RMI1: variants seen among roughly 807,000 people sequenced by gnomAD.
The protein encoded by RMI1 is RecQ mediated genome instability 1.
In RMI1, 36 loss-of-function variants were observed where a neutral mutation model predicts 46.7. The ratio of observed to expected loss-of-function variants is 0.77; its 90% CI spans 0.59 to 1.02. The LOEUF (loss-of-function observed/expected upper bound fraction) is 1.02. Among genes scored for constraint, RMI1 ranks in the 50% least tolerant of loss-of-function variants. The pLI, the probability that RMI1 is intolerant of heterozygous loss-of-function variation, is 0.00. For synonymous variants in RMI1, 250 were observed against 252.9 expected, an observed-to-expected ratio of 0.99 and a Z score of 0.11; for missense variants, 676 against 713.7, an observed-to-expected ratio of 0.95 and a Z score of 0.60.
Position 84,002,601 on chromosome 9 carries a change from G to A in RMI1, c.1615G>A (p.Ala539Thr). The change falls in exon 3 of 3, where the codon GCA becomes ACA. Residue 539 changes from alanine to threonine, a missense_variant. Transcript: ENST00000445877. ...AACTGCAAAGGTGTCTGATGGTACT[G>A]CATATCTAGATGTAGACTTTGTGGA... is the stretch of plus-strand genomic sequence containing the variant. ...SITAKVSDGT[A>T]YLDVDFVDEI... 1 of 1,613,910 alleles carries A rather than the reference G, an allele frequency of 6.2e-7. No homozygotes were observed. The highest frequency in any genetic ancestry group is 8.5e-7 in the Non-Finnish European group (1 of 1,179,872).
intron 1 of RMI1, among the ~76,000 whole-genome samples, chr9:83,992,131 A>G (rs60639174): frequency 0.034 from 5,113 of 152,126 alleles, 265 homozygotes; most frequent in African/African-American, 0.11. Flanking sequence ...ATATCTCTCC[A>G]TTTGCTTAGG....
chr9:83,989,546 G>A (rs536962703), intron 1 of RMI1, among the ~76,000 whole-genome samples: 14 of 151,882 alleles, frequency 9.2e-5, no homozygotes, highest in Non-Finnish European at 1.3e-4. Context: ...TTTCACAAAA[G>A]AAGATGTACA....
intron 1 of RMI1, among the ~76,000 whole-genome samples, chr9:83,985,367 T>C (rs1166815306): frequency 6.6e-6 from 1 of 152,232 alleles, no homozygotes; most frequent in East Asian, 1.9e-4. Flanking sequence ...TTAGCAGTTA[T>C]TTTATTTCCC....
intron 1 of RMI1, among the ~76,000 whole-genome samples, chr9:83,989,282 G>T (rs886908710): frequency 1.3e-5 from 2 of 152,170 alleles, no homozygotes; most frequent in Admixed American, 6.5e-5. Context: ...TCTGGGCAAA[G>T]ATTTTTTTGA....
chr9:84,000,555 G>A lies in RMI1; in HGVS notation c.-36-396G>A, dbSNP rs143321531. Among the ~76,000 whole-genome samples, 3 of 152,258 alleles carry A rather than the reference G, an allele frequency of 2.0e-5. No individual in the cohort carries two copies. In the East Asian group the frequency reaches 5.8e-4, roughly 29 times the overall value. ...GAGCATATTCCCCATAGATAAGGGA[G>A]GCTAATGTAACTACTGTTTACTGAA... On this transcript the variant is annotated intron_variant, in intron 2 of 2. Transcript: ENST00000445877.
intron 1 of RMI1, among the ~76,000 whole-genome samples, chr9:83,999,172 A>G (rs897142244): frequency 8.3e-6 from 1 of 119,926 alleles, no homozygotes; most frequent in African/African-American, 3.1e-5. Context: ...ATAAAATAGA[A>G]TAGAATAAAA....
At chr9:83,987,349 G>A (rs142561654) in intron 1 of RMI1, among the ~76,000 whole-genome samples, 2 of 152,200 alleles carry the variant, frequency 1.3e-5, no homozygotes, top group East Asian at 3.9e-4. Context: ...CACCGCGTCC[G>A]GCCTGCCTTC....
intron 1 of RMI1, among the ~76,000 whole-genome samples, chr9:83,992,362 T>C (rs1051636928): frequency 2.6e-5 from 4 of 152,058 alleles, no homozygotes; most frequent in Admixed American, 2.0e-4. Context: ...TTATCTAAAA[T>C]ACATATTTTC....
upstream of RMI1, chr9:83,980,364 C>G (rs1243007133): frequency 2.6e-5 from 4 of 152,600 alleles, no homozygotes; most frequent in Admixed American, 2.0e-4. Flanking sequence ...ACCCCGCCTC[C>G]CGCCAGCGCC....
chr9:83,985,320 T>G (rs984608995), intron 1 of RMI1, among the ~76,000 whole-genome samples: 6 of 152,230 alleles, frequency 3.9e-5, no homozygotes, highest in African/African-American at 1.4e-4. Context: ...CTTTCTACTT[T>G]GTTGTTAAGT....
intron 1 of RMI1, among the ~76,000 whole-genome samples, chr9:83,994,798 A>G (rs1957625870): frequency 6.6e-6 from 1 of 152,158 alleles, no homozygotes; most frequent in African/African-American, 2.4e-5. Flanking sequence ...GATTACAGAC[A>G]TGAACCACCA....
intron 1 of RMI1, among the ~76,000 whole-genome samples, chr9:83,991,704 T>C (rs775611226): frequency 2.0e-5 from 3 of 152,246 alleles, no homozygotes; most frequent in Non-Finnish European, 4.4e-5. Flanking sequence ...TTTTGTAGTT[T>C]TAGTTTTTAC....
Position 84,002,535 on chromosome 9 carries a change from T to C in RMI1, c.1549T>C (p.Leu517=). Residue 517 remains leucine, a synonymous_variant, in exon 3 of 3, where the codon TTA becomes CTA. Transcript: ENST00000445877. The stretch of plus-strand genomic sequence containing the variant: ...GAAAGTGAAAGCATTTATTGTAACC[T>C]TAACTGGAAATCTCTCAAGTTCTGG... ...TVKVKAFIVT[L]TGNLSSSGGI... 1 of 1,614,020 alleles carries C rather than the reference T, an allele frequency of 6.2e-7. No homozygotes were observed. Among genetic ancestry groups the C allele is most frequent in the Non-Finnish European group, 8.5e-7 (1 of 1,179,914 alleles).
At chr9:83,989,220 A>C (rs1957532751) in intron 1 of RMI1, among the ~76,000 whole-genome samples, 1 of 152,186 alleles carries the variant, frequency 6.6e-6, no homozygotes, top group Non-Finnish European at 1.5e-5. Flanking sequence ...GTAAGACCTG[A>C]AACTGTGAAA....
At chr9:83,985,056 A>G (rs929055333) in intron 1 of RMI1, among the ~76,000 whole-genome samples, 1 of 152,288 alleles carries the variant, frequency 6.6e-6, no homozygotes, top group Non-Finnish European at 1.5e-5. Context: ...CAAAGAAGGG[A>G]TGAAAACCTT....
chr9:83,997,626 C>G (rs1414732873), intron 1 of RMI1, among the ~76,000 whole-genome samples: 1 of 151,868 alleles, frequency 6.6e-6, no homozygotes, highest in Non-Finnish European at 1.5e-5. Flanking sequence ...CATTTTTAAA[C>G]AACCAGATCT....
At chr9:83,993,947 T>C (rs1957612349) in intron 1 of RMI1, among the ~76,000 whole-genome samples, 1 of 13,878 alleles carries the variant, frequency 7.2e-5, no homozygotes, top group Non-Finnish European at 2.2e-4. Context: ...GCCCGGCTAA[T>C]TTTTTTTTTT....
chr9:83,992,374 C>T (rs1183292270), intron 1 of RMI1, among the ~76,000 whole-genome samples: 1 of 152,036 alleles, frequency 6.6e-6, no homozygotes, highest in Non-Finnish European at 1.5e-5. Context: ...CATATTTTCT[C>T]CACAAGACAG....
At chr9:83,986,135 T>G (rs1957486983) in intron 1 of RMI1, among the ~76,000 whole-genome samples, 1 of 152,242 alleles carries the variant, frequency 6.6e-6, no homozygotes, top group Non-Finnish European at 1.5e-5. Flanking sequence ...AAAAATTATT[T>G]TATGTGCTAT....
Sources: allele counts gnomAD v4.1 joint callset (sites outside exome capture counted in the v4.1 genomes callset), GRCh38; gene constraint gnomAD v4.1.1; transcripts MANE v1.5; gene names NCBI Gene and HGNC (gene_info 2026-07-23, HGNC 2026-07-21).